Variants in FOXP2 observed in about 807,000 individuals in gnomAD.
FOXP2 encodes the protein forkhead box protein P2.
Under a neutral mutation model 115.8 loss-of-function variants are expected in FOXP2, and 12 were observed. The ratio of observed to expected loss-of-function variants is 0.10; its 90% CI spans 0.07 to 0.17. The LOEUF (loss-of-function observed/expected upper bound fraction) is 0.17. Among genes scored for constraint, FOXP2 ranks in the 10% least tolerant of loss-of-function variants. The pLI is 1.00. For missense variants in FOXP2, 629 were observed against 843.5 expected, an observed-to-expected ratio of 0.75 and a Z score of 3.15; for synonymous variants, 328 against 297.7, an observed-to-expected ratio of 1.10 and a Z score of -1.05.
chr7:114,422,529 CAT>C (rs1793665858), intron 1 of FOXP2, among the ~76,000 whole-genome samples: 1 of 151,548 alleles, frequency 6.6e-6, no homozygotes, highest in Non-Finnish European at 1.5e-5. Flanking sequence ...TCTTTATAAA[CAT>C]ATATAGATAC....
intron 1 of FOXP2, among the ~76,000 whole-genome samples, chr7:114,186,712 A>G (rs1179734585): frequency 6.6e-6 from 1 of 152,164 alleles, no homozygotes; most frequent in Non-Finnish European, 1.5e-5. Flanking sequence ...CTGGGTCCCC[A>G]GGCTCTCTGA....
intron 2 of FOXP2, among the ~76,000 whole-genome samples, chr7:114,335,239 T>A (rs1797821913): frequency 6.6e-6 from 1 of 151,570 alleles, no homozygotes; most frequent in South Asian, 2.1e-4. Flanking sequence ...TAAACTGGTA[T>A]TAAGAATGGG....
chr7:114,652,490 T>C (rs1806324508), intron 9 of FOXP2, among the ~76,000 whole-genome samples, 200 bp downstream of exon 9: 1 of 152,104 alleles, frequency 6.6e-6, no homozygotes. Context: ...TTAATGTACT[T>C]ATCACTTATA....
intron 1 of FOXP2, among the ~76,000 whole-genome samples, chr7:114,242,600 C>T (rs1795183470): frequency 6.6e-6 from 1 of 152,168 alleles, no homozygotes; most frequent in Admixed American, 6.5e-5. Flanking sequence ...GACTGGAATC[C>T]TTATCGTGGG....
chr7:114,571,301 T>A (rs1021069259), intron 3 of FOXP2, among the ~76,000 whole-genome samples: 17 of 151,878 alleles, frequency 1.1e-4, no homozygotes, highest in Non-Finnish European at 2.1e-4. Context: ...ACCAAGGCCT[T>A]TTAAACATTC....
chr7:114,332,244 TA>T (rs1200416922), intron 2 of FOXP2, among the ~76,000 whole-genome samples: 1 of 152,174 alleles, frequency 6.6e-6, no homozygotes, highest in Non-Finnish European at 1.5e-5. Context: ...GTTATTTAAA[TA>T]ATTTGGTTGA....
chr7:114,654,050 A>G (rs746838411), intron 10 of FOXP2, 41 bp downstream of exon 10: 40 of 1,612,476 alleles, frequency 2.5e-5, no homozygotes, highest in Non-Finnish European at 3.2e-5. Context: ...TAGCTCTACC[A>G]ATGTAACAGA....
At chr7:114,190,864 G>T (rs1387820939) in intron 1 of FOXP2, among the ~76,000 whole-genome samples, 2 of 152,108 alleles carry the variant, frequency 1.3e-5, no homozygotes, top group African/African-American at 2.4e-5. Flanking sequence ...ATTGTAAAAT[G>T]ATTTTCTGCT....
chr7:114,193,615 T>A (rs1793822630), intron 1 of FOXP2, among the ~76,000 whole-genome samples: 1 of 152,112 alleles, frequency 6.6e-6, no homozygotes, highest in African/African-American at 2.4e-5. Flanking sequence ...TTAGGACATC[T>A]TACATTCCAT....
chr7:114,418,049 T>A (rs1793426768), intron 1 of FOXP2, among the ~76,000 whole-genome samples: 1 of 151,986 alleles, frequency 6.6e-6, no homozygotes, highest in Non-Finnish European at 1.5e-5. Flanking sequence ...GGTATATTCC[T>A]TTAAAAGGAA....
chr7:114,462,031 A>T (rs1312961662), intron 2 of FOXP2, among the ~76,000 whole-genome samples: 1 of 152,038 alleles, frequency 6.6e-6, no homozygotes, highest in Non-Finnish European at 1.5e-5. Flanking sequence ...CTGTAATCAC[A>T]GCATTTTGCG....
At chr7:114,123,909 G>A (rs1791632979) in intron 1 of FOXP2, among the ~76,000 whole-genome samples, 1 of 151,920 alleles carries the variant, frequency 6.6e-6, no homozygotes, top group South Asian at 2.1e-4. Flanking sequence ...CATGCTTCTC[G>A]GAAGTTTACA....
At chr7:114,224,236 G>A (rs1252271129) in intron 1 of FOXP2, among the ~76,000 whole-genome samples, 2 of 151,892 alleles carry the variant, frequency 1.3e-5, no homozygotes, top group Non-Finnish European at 2.9e-5. Context: ...TTTTAGAATT[G>A]TCTTGGCTAT....
chr7:114,144,006 T>G (rs772626284), intron 1 of FOXP2, among the ~76,000 whole-genome samples: 6 of 152,090 alleles, frequency 3.9e-5, no homozygotes, highest in Non-Finnish European at 7.4e-5. Flanking sequence ...GTTTTGATCT[T>G]TGCCCACAGT....
intron 1 of FOXP2, among the ~76,000 whole-genome samples, chr7:114,212,568 A>C (rs1056772465): frequency 2.6e-5 from 4 of 152,122 alleles, no homozygotes; most frequent in African/African-American, 9.7e-5. Flanking sequence ...GAAAAAAAAA[A>C]ACAAGGAGTT....
intron 1 of FOXP2, among the ~76,000 whole-genome samples, chr7:114,236,168 A>AAT (rs1795003330): frequency 6.6e-6 from 1 of 152,220 alleles, no homozygotes; most frequent in Admixed American, 6.5e-5. Flanking sequence ...AAGAAATATG[A>AAT]ATATGGAAAA....
At position 114,302,960 on chromosome 7, in the gene FOXP2, G is replaced by A. The variant is rs192528476; in HGVS notation, c.-11+14851G>A. On this transcript the variant is annotated intron_variant, in intron 2 of 17. Coordinates refer to the FOXP2 transcript ENST00000634411. Reference sequence around the variant, plus strand: ...GACAATCAAGTGAGCTTAGAAGGGGGTCCTGAGCTCAAGAAAAAGAACACA... The same window carrying A: ...GACAATCAAGTGAGCTTAGAAGGGGATCCTGAGCTCAAGAAAAAGAACACA... Among the ~76,000 whole-genome samples, 5 of 152,192 alleles carry A rather than the reference G, an allele frequency of 3.3e-5. No individual in the cohort carries two copies. The East Asian group carries it at 9.7e-4, about 29-fold the overall frequency.
chr7:114,361,518 C>T (rs1351636901), intron 2 of FOXP2, among the ~76,000 whole-genome samples: 1 of 152,000 alleles, frequency 6.6e-6, no homozygotes, highest in African/African-American at 2.4e-5. Context: ...AATGTCTTAG[C>T]TCTGTGCCTA....
chr7:114,139,259 C>T (rs746117176), intron 1 of FOXP2, among the ~76,000 whole-genome samples: 8 of 151,870 alleles, frequency 5.3e-5, no homozygotes, highest in Non-Finnish European at 8.8e-5. Flanking sequence ...GTAGCAATAC[C>T]CATCCTCTGG....
Sources: gnomAD v4.1 joint callset for allele counts (sites outside exome capture counted in the v4.1 genomes callset) on GRCh38, gnomAD v4.1.1 for gene constraint, MANE v1.5 for transcripts, NCBI Gene and HGNC (gene_info 2026-07-23, HGNC 2026-07-21) for gene names.